TMEM63C: variants seen among roughly 807,000 people sequenced by gnomAD.
TMEM63C encodes the protein osmosensitive cation channel TMEM63C.
In TMEM63C, 32 loss-of-function variants were observed where a neutral mutation model predicts 99.2. The ratio of observed to expected loss-of-function variants is 0.32; its 90% CI spans 0.24 to 0.43. The LOEUF (loss-of-function observed/expected upper bound fraction) is 0.43. Among genes scored for constraint, TMEM63C ranks in the 20% least tolerant of loss-of-function variants. The pLI, the probability that TMEM63C is intolerant of heterozygous loss-of-function variation, is 1.00. For synonymous variants in TMEM63C, 376 were observed against 397.9 expected (o/e 0.94, Z 0.66); for missense variants, 826 against 1,053.0 (o/e 0.78, Z 2.98).
intron 1 of TMEM63C, among the ~76,000 whole-genome samples, chr14:77,208,488 G>T (rs182319518): frequency 6.6e-6 from 1 of 152,206 alleles, no homozygotes; most frequent in Non-Finnish European, 1.5e-5. Flanking sequence ...GAGCACCAGG[G>T]AGATCGCCTC....
chr14:77,190,114 T>TATG (rs34364022), intron 1 of TMEM63C, among the ~76,000 whole-genome samples: 3 of 148,434 alleles, frequency 2.0e-5, no homozygotes, highest in African/African-American at 7.8e-5. Context: ...AAAATAGAAT[T>TATG]ATGATTATTA....
intron 5 of TMEM63C, among the ~76,000 whole-genome samples, chr14:77,222,034 C>T (rs573634955): frequency 6.6e-6 from 1 of 152,162 alleles, no homozygotes; most frequent in East Asian, 1.9e-4. Context: ...GCAATGACAC[C>T]CACACTGACA....
chr14:77,191,016 A>C (rs1888095735), intron 1 of TMEM63C, among the ~76,000 whole-genome samples: 1 of 152,256 alleles, frequency 6.6e-6, no homozygotes, highest in Non-Finnish European at 1.5e-5. Context: ...ATAAAAGAAT[A>C]TACCAACATG....
At chr14:77,227,526 T>C (rs1888850809) in intron 6 of TMEM63C, among the ~76,000 whole-genome samples, 1 of 152,196 alleles carries the variant, frequency 6.6e-6, no homozygotes. Flanking sequence ...AGGTCAGAGT[T>C]AGAGATTTCA....
intron 23 of TMEM63C, among the ~76,000 whole-genome samples, chr14:77,254,614 G>A (rs8016994): frequency 0.033 from 5,006 of 152,228 alleles, 281 homozygotes; most frequent in African/African-American, 0.12. Flanking sequence ...ACACAGTAGG[G>A]ATTTTCATCC....
At chr14:77,253,499 A>AC (rs1349595636) in intron 23 of TMEM63C, 123 bp downstream of exon 23, 4 of 938,658 alleles carry the variant, frequency 4.3e-6, no homozygotes, top group Admixed American at 4.0e-5. Flanking sequence ...GAGATGGGGG[A>AC]CCCCTGGGCT....
intron 8 of TMEM63C, 39 bp from the exon 9 acceptor site, chr14:77,236,585 C>T: frequency 6.8e-7 from 1 of 1,468,528 alleles, no homozygotes; most frequent in Non-Finnish European, 9.5e-7. Flanking sequence ...CTGGGGAGCT[C>T]ACAGGCTGAC....
chr14:77,248,912 G>A (rs143194259), intron 20 of TMEM63C, 40 bp downstream of exon 20: 37 of 1,524,924 alleles, frequency 2.4e-5, no homozygotes, highest in Non-Finnish European at 3.1e-5. Context: ...CTGCACATCC[G>A]CAGATGGGGA....
At chr14:77,254,893 T>G (rs1889434530) in intron 23 of TMEM63C, among the ~76,000 whole-genome samples, 1 of 152,276 alleles carries the variant, frequency 6.6e-6, no homozygotes. Flanking sequence ...TGTATTTTCT[T>G]GCAGATATTT....
intron 1 of TMEM63C, among the ~76,000 whole-genome samples, chr14:77,185,764 A>C (rs1273558195): frequency 1.3e-5 from 2 of 152,194 alleles, no homozygotes; most frequent in East Asian, 3.9e-4. Context: ...TGCCTGGGGG[A>C]GTACTTGGGA....
intron 21 of TMEM63C, among the ~76,000 whole-genome samples, chr14:77,250,916 A>G (rs949074563): frequency 2.0e-5 from 3 of 152,216 alleles, no homozygotes; most frequent in Admixed American, 6.5e-5. Flanking sequence ...ATGACCCATC[A>G]TCTTACCCAG....
chr14:77,245,767 C>T (rs1889259993), intron 16 of TMEM63C, among the ~76,000 whole-genome samples, 173 bp from the exon 17 acceptor site: 2 of 152,206 alleles, frequency 1.3e-5, no homozygotes, highest in Admixed American at 1.3e-4. Flanking sequence ...TCAATCATCT[C>T]CCACTGGGTC....
At chr14:77,226,915 G>A (rs1210403139) in intron 6 of TMEM63C, among the ~76,000 whole-genome samples, 5 of 151,996 alleles carry the variant, frequency 3.3e-5, no homozygotes, top group African/African-American at 9.7e-5. Context: ...TTAGAGGCAC[G>A]TGCCACCATG....
chr14:77,229,437 A>T (rs1205042806), intron 6 of TMEM63C, among the ~76,000 whole-genome samples: 1 of 151,718 alleles, frequency 6.6e-6, no homozygotes, highest in African/African-American at 2.4e-5. Flanking sequence ...AATGCTTATT[A>T]TTATCATTAT....
chr14:77,197,205 A>G (rs1005412052), intron 1 of TMEM63C, among the ~76,000 whole-genome samples: 3 of 152,254 alleles, frequency 2.0e-5, no homozygotes, highest in Non-Finnish European at 2.9e-5. Flanking sequence ...ACTATCCTGC[A>G]TGGGGTGTTG....
intron 8 of TMEM63C, among the ~76,000 whole-genome samples, chr14:77,234,589 G>A (rs1467622396): frequency 6.6e-6 from 1 of 152,220 alleles, no homozygotes; most frequent in Non-Finnish European, 1.5e-5. Context: ...GGAGCAGCAT[G>A]GTGGATCCAC....
intron 1 of TMEM63C, among the ~76,000 whole-genome samples, chr14:77,205,315 C>T (rs1888377303): frequency 6.6e-6 from 1 of 152,226 alleles, no homozygotes; most frequent in Non-Finnish European, 1.5e-5. Flanking sequence ...CAGGAGGCCT[C>T]CCCAGGCACT....
chr14:77,193,597 G>A lies in TMEM63C; in HGVS notation c.-77+11703G>A, dbSNP rs554201704. ...CGCCTGTAATCCCAGCACTTTGGGA[G>A]GTCGAGGCGGGCGGATCACCTGAGG... On this transcript the variant is annotated intron_variant, in intron 1 of 23. Transcript: ENST00000298351. Among the ~76,000 whole-genome samples, 3 of 152,296 alleles carry A rather than the reference G, an allele frequency of 2.0e-5. No individual in the cohort carries two copies. The South Asian group carries it at 6.2e-4, about 32-fold the overall frequency.
intron 9 of TMEM63C, among the ~76,000 whole-genome samples, chr14:77,237,480 T>C (rs1007348892): frequency 1.3e-5 from 2 of 151,998 alleles, no homozygotes; most frequent in Admixed American, 6.6e-5. Flanking sequence ...AAAGGGAGCA[T>C]GGAGGGGCAA....
Sources: allele counts gnomAD v4.1 joint callset (sites outside exome capture counted in the v4.1 genomes callset), GRCh38; gene constraint gnomAD v4.1.1; transcripts MANE v1.5; gene names NCBI Gene and HGNC (gene_info 2026-07-23, HGNC 2026-07-21).